CELSR1: variants seen among roughly 807,000 people sequenced by gnomAD.
CELSR1 encodes the protein adhesion G protein-coupled receptor C1.
Under a neutral mutation model 249.1 loss-of-function variants are expected in CELSR1, and 110 were observed. That is an observed-to-expected ratio of 0.44 (90% CI 0.38 to 0.52). The LOEUF (loss-of-function observed/expected upper bound fraction) is 0.52. Ranked by LOEUF, CELSR1 falls within the 20% of genes least tolerant of loss-of-function variation. The pLI is 0.00. For missense variants in CELSR1, 4,109 were observed against 4,296.4 expected, an observed-to-expected ratio of 0.96 and a Z score of 1.22; for synonymous variants, 2,113 against 1,900.0, an observed-to-expected ratio of 1.11 and a Z score of -2.92.
At position 46,391,217 on chromosome 22, in the gene CELSR1, C is replaced by T. The variant is rs747807200; in HGVS notation, c.6219G>A (p.Pro2073=). 40 of 1,613,426 alleles carry T rather than the reference C, an allele frequency of 2.5e-5. No homozygotes were observed. The African/African-American group carries it at 3.2e-4, about 13-fold the overall frequency. The part of the protein sequence containing the change: ...IWWPQTKFGQ[P]AAVPCPKGSV... Reference sequence around the variant, plus strand: ...ATCCCTTAGGGCATGGCACCGCAGCCGGCTGCCCGAACTTGGTCTGTGGCC... The same window carrying T: ...ATCCCTTAGGGCATGGCACCGCAGCTGGCTGCCCGAACTTGGTCTGTGGCC... The change falls in exon 16 of 35, where the codon CCG becomes CCA. Residue 2073 remains proline, a synonymous_variant. Coordinates refer to ENST00000674500, the MANE Select transcript of CELSR1 (RefSeq NM_001378328.1). This position sits in a 1 kb window ranked among gnomAD's most constrained non-coding sequence, Gnocchi z 4.3.
At position 46,531,835 on chromosome 22, in the gene CELSR1, G is replaced by C. The variant is rs77555363; in HGVS notation, c.3544+1792C>G. Among the ~76,000 whole-genome samples the C allele has an allele frequency of 4.6e-3, 694 of 152,334 alleles. 2 individuals are homozygous for C. The highest frequency in any genetic ancestry group is 6.7e-3 in the Non-Finnish European group (455 of 68,032). Reference sequence around the variant, plus strand: ...GTCAAAGGTAACCACTGTCATCCGGGTGTGTGTTGGGGCGGTGGTGGTCTG... The same window carrying C: ...GTCAAAGGTAACCACTGTCATCCGGCTGTGTGTTGGGGCGGTGGTGGTCTG... On this transcript the variant is annotated intron_variant, in intron 1 of 34. Coordinates refer to ENST00000674500, the MANE Select transcript of CELSR1 (RefSeq NM_001378328.1).
rs1245719174 is a variant in CELSR1, at chr22:46,464,715, G to A, written c.3545-370C>T. 6.6e-6 allele frequency among the ~76,000 whole-genome samples: 1 copy of A among 151,990 alleles called. No individual in the cohort carries two copies. Among genetic ancestry groups the A allele is most frequent in the Non-Finnish European group, 1.5e-5 (1 of 68,016 alleles). On this transcript the variant is annotated intron_variant, in intron 1 of 34. Coordinates refer to ENST00000674500, the MANE Select transcript of CELSR1 (RefSeq NM_001378328.1). The surrounding 1 kb of genome is among the most constrained non-coding windows in gnomAD (Gnocchi z 8.5). ...CCTCACTGCCTGAAACTCCTCACAC[G>A]CTTTGGTTCCAGCCACATGAGGACT...
In CELSR1 at chr22:46,427,137, A is replaced by C. The variant is rs555206400; in HGVS notation, c.4611+6256T>G. Among the ~76,000 whole-genome samples the C allele has an allele frequency of 6.6e-6, 1 of 152,180 alleles. No individual in the cohort carries two copies. Among genetic ancestry groups the C allele is most frequent in the African/African-American group, 2.4e-5 (1 of 41,438 alleles). The stretch of plus-strand genomic sequence containing the variant: ...CACACACACACCTACACAGACGTCT[A>C]TGTCCTAGCTCTGCCCAGTAAGAGA... On this transcript the variant is annotated intron_variant, in intron 5 of 34. Coordinates refer to ENST00000674500, the MANE Select transcript of CELSR1 (RefSeq NM_001378328.1). The surrounding 1 kb of genome is among the most constrained non-coding windows in gnomAD (Gnocchi z 4.2).
intron 1 of CELSR1, among the ~76,000 whole-genome samples, chr22:46,467,851 A>C (rs562173038): frequency 1.1e-4 from 17 of 151,874 alleles, no homozygotes; most frequent in Non-Finnish European, 1.9e-4. Flanking sequence ...CTCTGGAAGG[A>C]TGCTGCAGCG....
At chr22:46,449,362 C>T (rs1388816015) in intron 2 of CELSR1, among the ~76,000 whole-genome samples, 1 of 149,210 alleles carries the variant, frequency 6.7e-6, no homozygotes, top group African/African-American at 2.4e-5. Flanking sequence ...AACCACCCAT[C>T]ACACATCCAT....
chr22:46,411,778 CAGA>C lies in CELSR1; in HGVS notation c.4612-22_4612-20del, dbSNP rs747427969. 9.3e-5 allele frequency: 150 copies of C among 1,613,392 alleles called. No homozygotes were observed. In the South Asian group the frequency reaches 1.4e-3, roughly 16 times the overall value. On this transcript the variant is annotated intron_variant, in intron 5 of 34. Transcript: ENST00000674500. This position sits in a 1 kb window ranked among gnomAD's most constrained non-coding sequence, Gnocchi z 4.2. ...TATTGGGCTGTAAGAAGAGAAAGCA[CAGA>C]AGGTGTCAGCGTTTTCTCCACCAGT...
Position 46,400,012 on chromosome 22 carries a change from C to T in CELSR1, c.5227-110G>A, listed in dbSNP as rs1334081126. ...GTGAAAGGAGACTGATTATGTGGCACCAGATACAAGATAGGCTTAAAAATT... is the reference window on the plus strand; with the variant it reads ...GTGAAAGGAGACTGATTATGTGGCATCAGATACAAGATAGGCTTAAAAATT... On this transcript the variant is annotated intron_variant, in intron 9 of 34. Transcript: ENST00000674500. 4 of 1,160,250 alleles carry T rather than the reference C, an allele frequency of 3.4e-6. No individual in the cohort carries two copies. In the African/African-American group the frequency reaches 6.2e-5, roughly 18 times the overall value. 71.9% of individuals were successfully genotyped at this position (1,160,250 alleles called of 1,614,324 possible).
At chr22:46,502,765 C>T (rs2080479019) in intron 1 of CELSR1, among the ~76,000 whole-genome samples, 1 of 152,120 alleles carries the variant, frequency 6.6e-6, no homozygotes, top group East Asian at 1.9e-4. Flanking sequence ...ATGATCATAG[C>T]CCCACACTCT....
Position 46,381,030 on chromosome 22 carries a change from C to T in CELSR1, c.7089-75G>A. On this transcript the variant is annotated intron_variant, in intron 21 of 34. Transcript: ENST00000674500. The surrounding 1 kb of genome is among the most constrained non-coding windows in gnomAD (Gnocchi z 6.0). ...TGCTTAAATCCCGCGCACAAATGCCCTGAGGACACGCCATGATGTGTTTCT... is the reference window on the plus strand; with the variant it reads ...TGCTTAAATCCCGCGCACAAATGCCTTGAGGACACGCCATGATGTGTTTCT... The T allele has an allele frequency of 1.4e-6, 2 of 1,461,966 alleles. No individual in the cohort carries two copies. The highest frequency in any genetic ancestry group is 1.4e-5 in the African/African-American group (1 of 71,606). 90.6% of individuals were successfully genotyped at this position (1,461,966 alleles called of 1,614,324 possible).
chr22:46,421,131 A>G (rs1447618591), intron 5 of CELSR1, among the ~76,000 whole-genome samples: 5 of 152,040 alleles, frequency 3.3e-5, no homozygotes, highest in Non-Finnish European at 5.9e-5. Flanking sequence ...CACGTGGGGG[A>G]CACACATGAG....
intron 19 of CELSR1, among the ~76,000 whole-genome samples, chr22:46,385,778 C>A (rs11090874): frequency 6.7e-6 from 1 of 150,302 alleles, no homozygotes; most frequent in African/African-American, 2.5e-5. Flanking sequence ...CCCGGGTTCA[C>A]GCCATTCTCC....
Position 46,473,126 on chromosome 22 carries a change from C to T in CELSR1, c.3545-8781G>A, listed in dbSNP as rs1160238349. Among the ~76,000 whole-genome samples, 7 of 152,028 alleles carry T rather than the reference C, an allele frequency of 4.6e-5. No homozygotes were observed. The highest frequency in any genetic ancestry group is 1.9e-4 in the East Asian group (1 of 5,184). ...GGCCTCGTGGGCTCTCGGTGCAGGA[C>T]GGCGGGGGTGGCTGAAGGAGAAATG... is the stretch of plus-strand genomic sequence containing the variant. On this transcript the variant is annotated intron_variant, in intron 1 of 34. Coordinates refer to ENST00000674500, the MANE Select transcript of CELSR1 (RefSeq NM_001378328.1). This position sits in a 1 kb window ranked among gnomAD's most constrained non-coding sequence, Gnocchi z 6.6.
chr22:46,439,143 C>T (rs1331640840), intron 3 of CELSR1, 46 bp downstream of exon 3: 1 of 1,557,160 alleles, frequency 6.4e-7, no homozygotes, highest in East Asian at 2.3e-5. Context: ...AAGCTCGCCC[C>T]TTTCCTAAAG....
Position 46,500,827 on chromosome 22 carries a change from T to C in CELSR1, c.3544+32800A>G, listed in dbSNP as rs568372658. ...AGGTCAGGCCACTACATTGCGTCTC[T>C]CAGGCTCAGAACATCCCCCATCTGC... On this transcript the variant is annotated intron_variant, in intron 1 of 34. Transcript: ENST00000674500. The surrounding 1 kb of genome is among the most constrained non-coding windows in gnomAD (Gnocchi z 4.9). Among the ~76,000 whole-genome samples the C allele has an allele frequency of 7.9e-5, 12 of 152,232 alleles. No individual in the cohort carries two copies. The highest frequency in any genetic ancestry group is 3.4e-3 in the Middle Eastern group (1 of 294).
In CELSR1 at chr22:46,428,191, C is replaced by T. The variant is rs1006244903; in HGVS notation, c.4611+5202G>A. Reference sequence around the variant, plus strand: ...GCCTCATGCTGTCTTTATAAAAGCACTTTCCGCAGCATGCCAAAGACAGCC... The same window carrying T: ...GCCTCATGCTGTCTTTATAAAAGCATTTTCCGCAGCATGCCAAAGACAGCC... On this transcript the variant is annotated intron_variant, in intron 5 of 34. Transcript: ENST00000674500. The surrounding 1 kb of genome is among the most constrained non-coding windows in gnomAD (Gnocchi z 5.7). Among the ~76,000 whole-genome samples the T allele has an allele frequency of 6.6e-6, 1 of 152,214 alleles. No homozygotes were observed. Among genetic ancestry groups the T allele is most frequent in the Non-Finnish European group, 1.5e-5 (1 of 68,040 alleles).
chr22:46,523,054 A>G (rs2080701758), intron 1 of CELSR1, among the ~76,000 whole-genome samples: 1 of 152,220 alleles, frequency 6.6e-6, no homozygotes, highest in Non-Finnish European at 1.5e-5. Flanking sequence ...CTCACTGACA[A>G]ATGGTTATTG....
At position 46,496,563 on chromosome 22, in the gene CELSR1, A is replaced by G. The variant is rs1055479570; in HGVS notation, c.3545-32218T>C. Among the ~76,000 whole-genome samples, 4 of 152,314 alleles carry G rather than the reference A, an allele frequency of 2.6e-5. No homozygotes were observed. The East Asian group carries it at 5.8e-4, about 22-fold the overall frequency. On this transcript the variant is annotated intron_variant, in intron 1 of 34. Coordinates refer to ENST00000674500, the MANE Select transcript of CELSR1 (RefSeq NM_001378328.1). ...CGCCTGGGTAACTGAGTAAAACTCTATCTCAAAAAATATATATATTTTTTC... is the reference window on the plus strand; with the variant it reads ...CGCCTGGGTAACTGAGTAAAACTCTGTCTCAAAAAATATATATATTTTTTC...
At position 46,429,762 on chromosome 22, in the gene CELSR1, T is replaced by C. The variant is rs1271682069; in HGVS notation, c.4611+3631A>G. ...CCTGGTTAGCTGTGCCCCTCCTGGG[T>C]GGTCCGCAGCCCTCTCCTGTGGCTT... On this transcript the variant is annotated intron_variant, in intron 5 of 34. Transcript: ENST00000674500. The surrounding 1 kb of genome is among the most constrained non-coding windows in gnomAD (Gnocchi z 4.1). Among the ~76,000 whole-genome samples the C allele has an allele frequency of 6.6e-6, 1 of 152,142 alleles. No individual in the cohort carries two copies. Among genetic ancestry groups the C allele is most frequent in the Non-Finnish European group, 1.5e-5 (1 of 68,022 alleles).
Position 46,486,458 on chromosome 22 carries a change from G to A in CELSR1, c.3545-22113C>T, listed in dbSNP as rs2080313932. 3.3e-5 allele frequency among the ~76,000 whole-genome samples: 5 copies of A among 151,992 alleles called. No individual in the cohort carries two copies. The South Asian group carries it at 1.0e-3, about 32-fold the overall frequency. ...AGCTACTCAGGAGACTGAGGCATGA[G>A]AATTGTTTGAGCCTGGGAGGCAGAG... On this transcript the variant is annotated intron_variant, in intron 1 of 34. Coordinates refer to ENST00000674500, the MANE Select transcript of CELSR1 (RefSeq NM_001378328.1).
Sources: gnomAD v4.1 joint callset for allele counts (sites outside exome capture counted in the v4.1 genomes callset) on GRCh38, gnomAD v4.1.1 for gene constraint, Gnocchi (gnomAD v3.1) non-coding constraint, MANE v1.5 for transcripts, NCBI Gene and HGNC (gene_info 2026-07-23, HGNC 2026-07-21) for gene names.